CRIM1: variants seen among roughly 807,000 people sequenced by gnomAD.
CRIM1 encodes cysteine-rich motor neuron 1 protein.
In CRIM1, 32 loss-of-function variants were observed where a neutral mutation model predicts 116.4. The observed-to-expected ratio is 0.27, with a 90% CI of 0.21 to 0.37. The LOEUF (loss-of-function observed/expected upper bound fraction) is 0.37, where lower values mean the gene tolerates loss of function less well. Ranked by LOEUF, CRIM1 falls within the 10% of genes least tolerant of loss-of-function variation. The probability of loss-of-function intolerance (pLI) is 1.00; values close to 1 mark genes in which losing one functional copy is unlikely to be tolerated. For missense variants in CRIM1, 1,331 were observed against 1,354.8 expected (o/e 0.98, Z 0.28); for synonymous variants, 590 against 509.2 (o/e 1.16, Z -2.13).
chr2:36,537,357 A>G lies in CRIM1; in HGVS notation c.2434A>G (p.Thr812Ala), dbSNP rs1402823442. The G allele has an allele frequency of 6.2e-7, 1 of 1,614,182 alleles. No individual in the cohort carries two copies. The highest frequency in any genetic ancestry group is 1.1e-5 in the South Asian group (1 of 91,090). ...TGTGCTGTTCTTTTCACTAGAAGAC[A>G]CAATTCCAAAGAAGGTGGTGTGCCA... ...GQCCPYCIED[T>A]IPKKVVCHFS... The change falls in exon 14 of 17, where the codon ACA becomes GCA. Residue 812 changes from threonine (T) to alanine (A), a missense_variant. Transcript: ENST00000280527.
At position 36,499,234 on chromosome 2, in the gene CRIM1, C is replaced by A; in HGVS notation, c.1388C>A (p.Thr463Lys). The A allele has an allele frequency of 6.2e-7, 1 of 1,611,000 alleles. No individual in the cohort carries two copies. Among genetic ancestry groups the A allele is most frequent in the Non-Finnish European group, 8.5e-7 (1 of 1,177,252 alleles). ...CPVCEEPTII[T>K]VDPPACGELS... ...TTATTATTAGAACCAACCATCATCA[C>A]AGTTGATCCACCTGCATGTGGGGAG... is the stretch of plus-strand genomic sequence containing the variant. Residue 463 changes from threonine to lysine, a missense_variant, in exon 8 of 17, where the codon ACA (threonine) becomes AAA (lysine). By Grantham distance (78) the Thr-to-Lys change is moderately conservative. Coordinates refer to ENST00000280527, the MANE Select transcript of CRIM1 (RefSeq NM_016441.3).
intron 8 of CRIM1, among the ~76,000 whole-genome samples, chr2:36,500,927 C>G (rs560490252): frequency 2.6e-5 from 4 of 152,272 alleles, no homozygotes; most frequent in African/African-American, 7.2e-5. Flanking sequence ...TTAAAATGAG[C>G]TGAAGTTATA....
chr2:36,494,028 G>A (rs969110220), intron 7 of CRIM1, among the ~76,000 whole-genome samples: 1 of 152,162 alleles, frequency 6.6e-6, no homozygotes, highest in African/African-American at 2.4e-5. Flanking sequence ...AGTTTTTGGA[G>A]AATTTCTCAT....
Position 36,477,022 on chromosome 2 carries a change from C to T in CRIM1, c.1125C>T (p.Asn375=), listed in dbSNP as rs1488087961. ...ICFTAQCGEI[N]CERYYVPEGE... is the part of the protein sequence containing the mutation. ...TCACCGCCCAGTGTGGTGAGATAAA[C>T]TGCGAGAGGTACTACGTGCCCGAAG... The change falls in exon 6 of 17, where the codon AAC becomes AAT. Residue 375 remains asparagine (N), a synonymous_variant. Transcript: ENST00000280527. The T allele has an allele frequency of 6.2e-7, 1 of 1,613,718 alleles. No homozygotes were observed. The highest frequency in any genetic ancestry group is 8.5e-7 in the Non-Finnish European group (1 of 1,179,748).
At chr2:36,430,233 A>G (rs1164722089) in intron 2 of CRIM1, among the ~76,000 whole-genome samples, 5 of 152,336 alleles carry the variant, frequency 3.3e-5, no homozygotes, top group African/African-American at 1.2e-4. Flanking sequence ...GCTGAACCCC[A>G]TCTTGCCCTG....
At position 36,356,353 on chromosome 2, in the gene CRIM1, C is replaced by G. The variant is rs1315575859; in HGVS notation, c.61C>G (p.Leu21Val). 4 of 1,592,892 alleles carry G rather than the reference C, an allele frequency of 2.5e-6. No individual in the cohort carries two copies. Among genetic ancestry groups the G allele is most frequent in the Admixed American group, 3.5e-5 (2 of 57,496 alleles). The stretch of plus-strand genomic sequence containing the variant: ...CTGCGGGCACCTCCTGGTCTCGCTG[C>G]TGGGGCTGCTGCTGCTGCTGGCGCG... ...AGCGHLLVSLLGLLLLLARSG... is the reference protein window; with the variant it reads ...AGCGHLLVSLVGLLLLLARSG... The change falls in exon 1 of 17, where the codon CTG (leucine) becomes GTG (valine). Residue 21 changes from leucine to valine, a missense_variant. Around this residue, in one of 3 missense-constraint regions of CRIM1, gnomAD observed 690 missense variants for 676.0 expected, o/e 1.02. Transcript: ENST00000280527. This position sits in a 1 kb window ranked among gnomAD's most constrained non-coding sequence, Gnocchi z 4.3.
chr2:36,440,876 A>G (rs188085565), intron 2 of CRIM1, among the ~76,000 whole-genome samples: 1 of 152,322 alleles, frequency 6.6e-6, no homozygotes, highest in Admixed American at 6.5e-5. Flanking sequence ...CTGTTTTCAA[A>G]GAACAGCCTT....
At chr2:36,374,785 C>G (rs546548660) in intron 1 of CRIM1, among the ~76,000 whole-genome samples, 2 of 152,214 alleles carry the variant, frequency 1.3e-5, no homozygotes, top group South Asian at 4.2e-4. Flanking sequence ...GTCATCTCTT[C>G]TTACTAAGCA....
intron 4 of CRIM1, among the ~76,000 whole-genome samples, chr2:36,454,597 G>A (rs1676992824): frequency 6.6e-6 from 1 of 152,160 alleles, no homozygotes; most frequent in Non-Finnish European, 1.5e-5. Flanking sequence ...ACAGTTTGCA[G>A]TTAGTAGTTC....
intron 2 of CRIM1, among the ~76,000 whole-genome samples, chr2:36,440,043 T>A (rs1675671670): frequency 6.6e-6 from 1 of 152,154 alleles, no homozygotes; most frequent in African/African-American, 2.4e-5. Context: ...AGAGGAAAGA[T>A]ACAGCAATCA....
At chr2:36,450,002 G>A (rs1031656683) in intron 4 of CRIM1, among the ~76,000 whole-genome samples, 5 of 151,994 alleles carry the variant, frequency 3.3e-5, no homozygotes, top group African/African-American at 9.7e-5. Flanking sequence ...AATAGATTAC[G>A]TATTTGGTCA....
intron 2 of CRIM1, among the ~76,000 whole-genome samples, chr2:36,407,260 T>G (rs1339117296): frequency 6.6e-6 from 1 of 152,218 alleles, no homozygotes; most frequent in Non-Finnish European, 1.5e-5. Flanking sequence ...CGTGTGTATG[T>G]ATATGTATAT....
intron 13 of CRIM1, among the ~76,000 whole-genome samples, chr2:36,523,429 G>A (rs1231323078): frequency 6.6e-6 from 1 of 152,100 alleles, no homozygotes; most frequent in Non-Finnish European, 1.5e-5. Flanking sequence ...ATGTATATTA[G>A]CACCTAACAT....
At chr2:36,537,062 A>AATCTCTTT (rs1242751661) in intron 13 of CRIM1, among the ~76,000 whole-genome samples, 4 of 152,120 alleles carry the variant, frequency 2.6e-5, no homozygotes, top group African/African-American at 4.8e-5. Flanking sequence ...ACTTTTTATC[A>AATCTCTTT]ATCTCTTTAT....
At chr2:36,490,528 A>G (rs1680153539) in intron 7 of CRIM1, among the ~76,000 whole-genome samples, 1 of 152,176 alleles carries the variant, frequency 6.6e-6, no homozygotes, top group Non-Finnish European at 1.5e-5. Flanking sequence ...ATTGTGGCTT[A>G]GATTCAAAGG....
At chr2:36,486,424 TCA>T (rs1679821996) in intron 7 of CRIM1, among the ~76,000 whole-genome samples, 3 of 152,196 alleles carry the variant, frequency 2.0e-5, no homozygotes, top group Non-Finnish European at 4.4e-5. Flanking sequence ...AGTAAGACTG[TCA>T]TACTGAACCA....
Position 36,537,456 on chromosome 2 carries a change from G to A in CRIM1, c.2533G>A (p.Gly845Ser). Residue 845 changes from glycine (G) to serine (S), a missense_variant, in exon 14 of 17, where the codon GGC becomes AGC. By Grantham distance (56) the Gly-to-Ser change is moderately conservative. Around this residue, in one of 3 missense-constraint regions of CRIM1, gnomAD observed 283 missense variants for 242.8 expected, o/e 1.17. Coordinates refer to ENST00000280527, the MANE Select transcript of CRIM1 (RefSeq NM_016441.3). The part of the protein sequence containing the change: ...DSCTHCYCLQ[G>S]QTLCSTVSCP... ...CTGCACCCACTGCTACTGCCTGCAGGGCCAGACCCTCTGCTCGACCGTCAG... is the reference window on the plus strand; with the variant it reads ...CTGCACCCACTGCTACTGCCTGCAGAGCCAGACCCTCTGCTCGACCGTCAG... The A allele has an allele frequency of 2.5e-6, 4 of 1,614,214 alleles. No individual in the cohort carries two copies. The highest frequency in any genetic ancestry group is 3.4e-6 in the Non-Finnish European group (4 of 1,180,046).
chr2:36,517,006 T>C (rs1314765289), intron 11 of CRIM1, among the ~76,000 whole-genome samples: 2 of 152,174 alleles, frequency 1.3e-5, no homozygotes, highest in African/African-American at 2.4e-5. Flanking sequence ...TCCTACACAT[T>C]CACAGAAATG....
At chr2:36,426,272 T>C (rs944127065) in intron 2 of CRIM1, among the ~76,000 whole-genome samples, 3 of 152,176 alleles carry the variant, frequency 2.0e-5, no homozygotes, top group Admixed American at 1.3e-4. Flanking sequence ...TCTGGGACAA[T>C]TATGATCCAT....
Sources: gnomAD v4.1 joint callset for allele counts (sites outside exome capture counted in the v4.1 genomes callset) on GRCh38, gnomAD v4.1.1 for gene constraint, gnomAD v4.1.1 regional missense constraint, Gnocchi (gnomAD v3.1) non-coding constraint, MANE v1.5 for transcripts, NCBI Gene and HGNC (gene_info 2026-07-23, HGNC 2026-07-21) for gene names.